FBRSL1: variants seen among roughly 807,000 people sequenced by gnomAD.
FBRSL1 encodes the protein fibrosin-1-like protein.
A neutral mutation model predicts 89.6 loss-of-function variants in FBRSL1; 51 were observed. The observed-to-expected ratio is 0.57, with a 90% confidence interval of 0.45 to 0.72. The LOEUF is 0.72. FBRSL1 is among the 30% of genes least tolerant of loss of function. The pLI is 0.00. For synonymous variants in FBRSL1, 779 were observed against 681.1 expected (o/e 1.14, Z -2.24); for missense variants, 1,618 against 1,451.8 (o/e 1.11, Z -1.86).
At chr12:132,544,090 C>T (rs549984352) in intron 4 of FBRSL1, among the ~76,000 whole-genome samples, 3 of 152,314 alleles carry the variant, frequency 2.0e-5, no homozygotes, top group East Asian at 1.9e-4. Flanking sequence ...CCTGCCCCCA[C>T]GGCCAATCAC....
intron 2 of FBRSL1, among the ~76,000 whole-genome samples, chr12:132,520,899 G>T (rs2035297236): frequency 6.6e-6 from 1 of 152,232 alleles, no homozygotes; most frequent in African/African-American, 2.4e-5. Context: ...GGCTTTGTGG[G>T]CTCCCAAAAC....
chr12:132,583,371 GCCGCCCCCGCCCCGGGCT>G lies in FBRSL1; in HGVS notation c.2608_2625del (p.Pro870_Ala875del), dbSNP rs2040925096. On this transcript the variant is annotated inframe_deletion, in exon 19 of 19. Coordinates refer to ENST00000680143, the MANE Select transcript of FBRSL1 (RefSeq NM_001367871.1). Reference sequence around the variant, plus strand: ...GCTGCCACGTCGCGCCTTCCCCGCTGCCGCCCCCGCCCCGGGCTCCGCCGCCCTCTTGGAGCCCCCGGA... The same window carrying G: ...GCTGCCACGTCGCGCCTTCCCCGCTGCCGCCGCCCTCTTGGAGCCCCCGGA... 5.4e-5 allele frequency: 60 copies of G among 1,105,338 alleles called. 1 individual carries two copies. Among genetic ancestry groups the G allele is most frequent in the Non-Finnish European group, 6.5e-5 (59 of 905,570 alleles). 68.5% of individuals were successfully genotyped at this position (1,105,338 alleles called of 1,614,324 possible). A position where few individuals can be genotyped will look rare whatever the true frequency, so the allele number is the denominator to read the frequency against.
chr12:132,549,837 C>T (rs1001693696), intron 5 of FBRSL1, among the ~76,000 whole-genome samples: 2 of 152,190 alleles, frequency 1.3e-5, no homozygotes, highest in Non-Finnish European at 2.9e-5. Flanking sequence ...GAGATGCGGC[C>T]CCTGCCCGGG....
At position 132,583,198 on chromosome 12, in the gene FBRSL1, G is replaced by C; in HGVS notation, c.2429G>C (p.Gly810Ala). Residue 810 changes from glycine (G) to alanine (A), a missense_variant, in exon 19 of 19, where the codon GGA becomes GCA. Gly to Ala is a moderately conservative substitution (Grantham distance 60). Coordinates refer to ENST00000680143, the MANE Select transcript of FBRSL1 (RefSeq NM_001367871.1). ...ASPPHSKAAP[G>A]DVKVKEERGE... ...CCGCCCCACAGCAAGGCGGCCCCTG[G>C]AGACGTGAAGGTCAAGGAGGAGCGC... 3 of 1,447,918 alleles carry C rather than the reference G, an allele frequency of 2.1e-6. No individual in the cohort carries two copies. Among genetic ancestry groups the C allele is most frequent in the Non-Finnish European group, 2.7e-6 (3 of 1,103,428 alleles). 89.7% of individuals were successfully genotyped at this position (1,447,918 alleles called of 1,614,324 possible). A position where few individuals can be genotyped will look rare whatever the true frequency, so the allele number is the denominator to read the frequency against.
intron 3 of FBRSL1, 75 bp downstream of exon 3, chr12:132,525,898 C>A: frequency 7.9e-7 from 1 of 1,267,466 alleles, no homozygotes; most frequent in Non-Finnish European, 1.1e-6. Flanking sequence ...ACAAGGGCGT[C>A]CAGTCCGAGT....
At chr12:132,490,897 C>A (rs1432132354) in intron 1 of FBRSL1, 36 bp downstream of exon 1, 1 of 1,067,970 alleles carries the variant, frequency 9.4e-7, no homozygotes, top group Non-Finnish European at 1.2e-6. Flanking sequence ...GGCGTTGAGG[C>A]GAGAACGGGG....
chr12:132,518,524 A>T (rs2035051978), intron 2 of FBRSL1, among the ~76,000 whole-genome samples: 1 of 132,760 alleles, frequency 7.5e-6, no homozygotes, highest in Non-Finnish European at 1.6e-5. Flanking sequence ...TCCACCATGC[A>T]TGCATGCATC....
At chr12:132,534,583 G>A (rs772060853) in intron 4 of FBRSL1, among the ~76,000 whole-genome samples, 5 of 152,368 alleles carry the variant, frequency 3.3e-5, no homozygotes, top group East Asian at 1.9e-4. Context: ...GCGGGCACGC[G>A]CTCTTTTATC....
At chr12:132,578,156 T>TGAA (rs1471061455) in intron 15 of FBRSL1, among the ~76,000 whole-genome samples, 1 of 152,220 alleles carries the variant, frequency 6.6e-6, no homozygotes, top group African/African-American at 2.4e-5. Context: ...ATTCTTACAA[T>TGAA]GAAGTCCACT....
chr12:132,583,212 A>G lies in FBRSL1; in HGVS notation c.2443A>G (p.Lys815Glu), dbSNP rs1373613639. 1 of 1,434,308 alleles carries G rather than the reference A, an allele frequency of 7.0e-7. No homozygotes were observed. Among genetic ancestry groups the G allele is most frequent in the Non-Finnish European group, 9.1e-7 (1 of 1,095,820 alleles). The allele number at this position is 1,434,308 out of a possible 1,614,324, so 88.8% of individuals were successfully genotyped here. A position where few individuals can be genotyped will look rare whatever the true frequency, so the allele number is the denominator to read the frequency against. ...GGCGGCCCCTGGAGACGTGAAGGTC[A>G]AGGAGGAGCGCGGGGAGGACGAGGC... ...SKAAPGDVKV[K>E]EERGEDEASE... Residue 815 changes from lysine to glutamate, a missense_variant, in exon 19 of 19, where the codon AAG becomes GAG. Physicochemically the swap from Lys to Glu is moderately conservative, Grantham distance 56. Transcript: ENST00000680143.
intron 1 of FBRSL1, among the ~76,000 whole-genome samples, chr12:132,498,288 T>C (rs1041623934): frequency 5.9e-5 from 9 of 152,036 alleles, no homozygotes; most frequent in Admixed American, 5.2e-4. Flanking sequence ...GTGACAGCAG[T>C]CGGAATGTTC....
intron 2 of FBRSL1, among the ~76,000 whole-genome samples, chr12:132,519,004 T>C (rs2035112063): frequency 6.6e-6 from 1 of 152,238 alleles, no homozygotes; most frequent in African/African-American, 2.4e-5. Flanking sequence ...CATCCATCCA[T>C]CCACCCATCT....
At position 132,554,917 on chromosome 12, in the gene FBRSL1, A is replaced by C. The variant is rs534993379; in HGVS notation, c.645+6885A>C. On this transcript the variant is annotated intron_variant, in intron 5 of 18. Coordinates refer to ENST00000680143, the MANE Select transcript of FBRSL1 (RefSeq NM_001367871.1). ...AGCTGAGATCGCGCCATTGCACTCC[A>C]GCCTGGGCGACAAAGTGAGACTCTG... 3 of 152,462 alleles carry C rather than the reference A, an allele frequency of 2.0e-5. No homozygotes were observed. In the East Asian group the frequency reaches 5.8e-4, roughly 29 times the overall value. The allele number at this position is 152,462 out of a possible 1,614,324, so 9.4% of individuals were successfully genotyped here. A position where few individuals can be genotyped will look rare whatever the true frequency, so the allele number is the denominator to read the frequency against.
rs2136403684 is a variant in FBRSL1 at position 132,499,410 on chromosome 12, A to C, written c.291+8549A>C. On this transcript the variant is annotated intron_variant, in intron 1 of 18. Coordinates refer to ENST00000680143, the MANE Select transcript of FBRSL1 (RefSeq NM_001367871.1). This position sits in a 1 kb window ranked among gnomAD's most constrained non-coding sequence, Gnocchi z 4.3. The stretch of plus-strand genomic sequence containing the variant: ...TCTGAGCTGTTCTGCTTTCCCTGAC[A>C]GACTTTATAAGCATTTATTGAGCAC... Among the ~76,000 whole-genome samples the C allele has an allele frequency of 6.6e-6, 1 of 152,306 alleles. No individual in the cohort carries two copies. The highest frequency in any genetic ancestry group is 2.1e-4 in the South Asian group (1 of 4,824).
At chr12:132,561,072 C>G (rs1415188263) in intron 5 of FBRSL1, among the ~76,000 whole-genome samples, 1 of 152,086 alleles carries the variant, frequency 6.6e-6, no homozygotes, top group African/African-American at 2.4e-5. Flanking sequence ...GAGGGCCGGC[C>G]CCTGTTCTGC....
intron 1 of FBRSL1, among the ~76,000 whole-genome samples, chr12:132,492,053 T>C (rs1272358203): frequency 6.6e-6 from 1 of 152,212 alleles, no homozygotes; most frequent in Admixed American, 6.5e-5. Context: ...TGGGGCTGTC[T>C]TCTGCCCTCT....
intron 4 of FBRSL1, among the ~76,000 whole-genome samples, chr12:132,542,944 C>T (rs975521434): frequency 6.6e-6 from 1 of 152,226 alleles, no homozygotes; most frequent in Non-Finnish European, 1.5e-5. Flanking sequence ...GTGGGGCTGA[C>T]AGGCAGCCCC....
At chr12:132,518,570 C>A (rs2035057583) in intron 2 of FBRSL1, among the ~76,000 whole-genome samples, 1 of 149,514 alleles carries the variant, frequency 6.7e-6, no homozygotes, top group African/African-American at 2.5e-5. Flanking sequence ...ATCCATCTAC[C>A]CATCTGGCCA....
intron 2 of FBRSL1, among the ~76,000 whole-genome samples, chr12:132,512,440 G>A (rs1259687743): frequency 1.3e-5 from 2 of 152,264 alleles, no homozygotes; most frequent in African/African-American, 4.8e-5. Context: ...CCCTGGCTGA[G>A]CTCCAGGCTG....
Sources: gnomAD v4.1 joint callset for allele counts (sites outside exome capture counted in the v4.1 genomes callset) on GRCh38, gnomAD v4.1.1 for gene constraint, Gnocchi (gnomAD v3.1) non-coding constraint, MANE v1.5 for transcripts, NCBI Gene and HGNC (gene_info 2026-07-23, HGNC 2026-07-21) for gene names.